RPS6KC1: variants seen among roughly 807,000 people sequenced by gnomAD.
RPS6KC1 encodes inactive ribosomal protein S6 kinase delta-1.
A neutral mutation model predicts 103.8 loss-of-function variants in RPS6KC1; 54 were observed. The observed-to-expected ratio is 0.52, with a 90% CI of 0.42 to 0.65. The LOEUF is 0.65. Among genes scored for constraint, RPS6KC1 ranks in the 30% least tolerant of loss-of-function variants. The pLI, the probability that RPS6KC1 is intolerant of heterozygous loss-of-function variation, is 0.00. For missense variants in RPS6KC1, 1,151 were observed against 1,253.8 expected, an observed-to-expected ratio of 0.92 and a Z score of 1.24; for synonymous variants, 439 against 438.7, an observed-to-expected ratio of 1.00 and a Z score of -0.01.
chr1:213,279,312 TC>T (rs2095118410), downstream of RPS6KC1, among the ~76,000 whole-genome samples: 1 of 152,198 alleles, frequency 6.6e-6, no homozygotes, highest in Non-Finnish European at 1.5e-5. Context: ...TCTATTTCTC[TC>T]AAGTGTATAG....
chr1:213,740,478 C>T, the RPS6KC1 span, among the ~76,000 whole-genome samples: 1 of 152,006 alleles, frequency 6.6e-6, no homozygotes, highest in Non-Finnish European at 1.5e-5. Flanking sequence ...CAACTAGACT[C>T]ACTGTTTGTT....
the RPS6KC1 span, among the ~76,000 whole-genome samples, chr1:213,330,593 G>T: frequency 6.6e-6 from 1 of 152,292 alleles, no homozygotes; most frequent in African/African-American, 2.4e-5. Flanking sequence ...TTGGGCTCAA[G>T]AGGAGGGAAG....
intron 8 of RPS6KC1, among the ~76,000 whole-genome samples, chr1:213,195,110 GT>G (rs1404965036): frequency 6.6e-6 from 1 of 152,076 alleles, no homozygotes; most frequent in African/African-American, 2.4e-5. Context: ...TAATTTTCTA[GT>G]TTTTTTGTTT....
chr1:213,248,931 C>G (rs938730418), intron 12 of RPS6KC1, among the ~76,000 whole-genome samples: 1 of 152,142 alleles, frequency 6.6e-6, no homozygotes, highest in Non-Finnish European at 1.5e-5. Flanking sequence ...AAAACAATGT[C>G]TCTGTACATT....
At chr1:213,254,196 G>A (rs2094594848) in intron 12 of RPS6KC1, among the ~76,000 whole-genome samples, 8 of 152,128 alleles carry the variant, frequency 5.3e-5, no homozygotes, top group South Asian at 4.1e-4. Flanking sequence ...ATCAGTAAGA[G>A]TCTATATTGT....
the RPS6KC1 span, among the ~76,000 whole-genome samples, chr1:213,721,522 C>T: frequency 2.6e-5 from 4 of 152,152 alleles, no homozygotes; most frequent in African/African-American, 9.7e-5. Flanking sequence ...GGAGGCCTCC[C>T]CAGTAATGTG....
chr1:213,316,969 A>G, the RPS6KC1 span, among the ~76,000 whole-genome samples: 1 of 152,166 alleles, frequency 6.6e-6, no homozygotes, highest in African/African-American at 2.4e-5. Context: ...GGGTGAGGTC[A>G]GAGAGGGAGC....
the RPS6KC1 span, among the ~76,000 whole-genome samples, chr1:213,576,083 A>T: frequency 6.6e-6 from 1 of 152,144 alleles, no homozygotes; most frequent in Admixed American, 6.5e-5. Flanking sequence ...TGGAGGGGGT[A>T]CAAGTTGGAT....
the RPS6KC1 span, among the ~76,000 whole-genome samples, chr1:213,628,128 G>C: frequency 3.9e-5 from 6 of 152,074 alleles, no homozygotes; most frequent in African/African-American, 7.2e-5. Context: ...AGAGGTTCAA[G>C]TTCTTCCTGG....
At chr1:213,225,728 C>A (rs1341823551) in intron 8 of RPS6KC1, among the ~76,000 whole-genome samples, 1 of 152,118 alleles carries the variant, frequency 6.6e-6, no homozygotes, top group Non-Finnish European at 1.5e-5. Context: ...TGCTTCATGA[C>A]TAAGTGAGAT....
At chr1:213,400,194 C>T in the RPS6KC1 span, among the ~76,000 whole-genome samples, 1,502 of 152,010 alleles carry the variant, frequency 9.9e-3, 26 homozygotes, top group African/African-American at 0.031. Context: ...GGAGGTAGAT[C>T]CCAGGAAGGA....
the RPS6KC1 span, among the ~76,000 whole-genome samples, chr1:213,460,518 C>G: frequency 6.6e-6 from 1 of 151,518 alleles, no homozygotes; most frequent in Non-Finnish European, 1.5e-5. Flanking sequence ...TACAGTGCAC[C>G]TATGGGTCTT....
intron 6 of RPS6KC1, among the ~76,000 whole-genome samples, chr1:213,134,931 T>C (rs2086102460): frequency 6.6e-6 from 1 of 152,130 alleles, no homozygotes; most frequent in Admixed American, 6.5e-5. Context: ...GTTTCTCACC[T>C]AATGCTCTGG....
At chr1:213,646,788 C>T in the RPS6KC1 span, among the ~76,000 whole-genome samples, 1 of 151,964 alleles carries the variant, frequency 6.6e-6, no homozygotes, top group African/African-American at 2.4e-5. Context: ...TCCCCCTCAG[C>T]ACATGGGATA....
chr1:213,635,117 G>T, the RPS6KC1 span, among the ~76,000 whole-genome samples: 1 of 152,272 alleles, frequency 6.6e-6, no homozygotes, highest in South Asian at 2.1e-4. Context: ...CTCTGAAATG[G>T]AGGCAATAAT....
chr1:213,555,313 C>T, the RPS6KC1 span, among the ~76,000 whole-genome samples: 10 of 152,310 alleles, frequency 6.6e-5, no homozygotes, highest in African/African-American at 2.4e-4. Flanking sequence ...TGGCAGTTGA[C>T]AGTGTTAGCA....
At chr1:213,826,408 G>A in the RPS6KC1 span, among the ~76,000 whole-genome samples, 2 of 152,174 alleles carry the variant, frequency 1.3e-5, no homozygotes, top group East Asian at 3.8e-4. Flanking sequence ...AGTTTGCTTA[G>A]AGAAAAATCT....
the RPS6KC1 span, among the ~76,000 whole-genome samples, chr1:213,568,437 G>T: frequency 2.0e-5 from 3 of 152,206 alleles, no homozygotes; most frequent in East Asian, 5.8e-4. Flanking sequence ...GAGGACAGAA[G>T]ATTCAATTCA....
chr1:213,638,613 C>G, the RPS6KC1 span, among the ~76,000 whole-genome samples: 1 of 151,890 alleles, frequency 6.6e-6, no homozygotes, highest in Admixed American at 6.6e-5. Context: ...GTTGGAAATA[C>G]TATTTTTACT....
Sources: gnomAD v4.1 joint callset for allele counts (sites outside exome capture counted in the v4.1 genomes callset) on GRCh38, gnomAD v4.1.1 for gene constraint, MANE v1.5 for transcripts, NCBI Gene and HGNC (gene_info 2026-07-23, HGNC 2026-07-21) for gene names.